Variants in ZNF618 observed in about 807,000 individuals in gnomAD.
ZNF618 encodes zinc finger protein 618, also known as neural precursor cell expressed, developmentally down-regulated 10.
In ZNF618, 34 loss-of-function variants were observed where a neutral mutation model predicts 103.0. That is an observed-to-expected ratio of 0.33 (90% CI 0.25 to 0.44). The LOEUF (loss-of-function observed/expected upper bound fraction) is 0.44, where lower values mean the gene tolerates loss of function less well. Among genes scored for constraint, ZNF618 ranks in the 20% least tolerant of loss-of-function variants. The pLI is 1.00. For synonymous variants in ZNF618, 551 were observed against 542.2 expected (o/e 1.02, Z -0.23); for missense variants, 1,059 against 1,295.4 (o/e 0.82, Z 2.80).
chr9:113,972,390 A>G (rs916319646), intron 2 of ZNF618, among the ~76,000 whole-genome samples: 3 of 152,162 alleles, frequency 2.0e-5, no homozygotes, highest in Non-Finnish European at 4.4e-5. Flanking sequence ...CAACCTCATG[A>G]GAGAGATACT....
intron 4 of ZNF618, 34 bp downstream of exon 4, chr9:113,998,388 G>A: frequency 3.9e-6 from 6 of 1,525,960 alleles, no homozygotes; most frequent in Non-Finnish European, 4.4e-6. Context: ...GCCTGATCCG[G>A]GGCCAGTATG....
At chr9:113,969,760 T>G (rs934144332) in intron 2 of ZNF618, among the ~76,000 whole-genome samples, 6 of 152,142 alleles carry the variant, frequency 3.9e-5, no homozygotes, top group African/African-American at 1.4e-4. Flanking sequence ...GGTAGGTACT[T>G]GGTAATGTTA....
At chr9:113,907,218 T>C (rs1316632823) in intron 1 of ZNF618, among the ~76,000 whole-genome samples, 2 of 152,226 alleles carry the variant, frequency 1.3e-5, no homozygotes, top group Non-Finnish European at 2.9e-5. Context: ...GATAGCCCAT[T>C]GACACCACTT....
chr9:113,951,501 A>ACACATATATGTGTGTGTG (rs1835699419), intron 1 of ZNF618, among the ~76,000 whole-genome samples: 1 of 70,842 alleles, frequency 1.4e-5, no homozygotes, highest in Non-Finnish European at 2.9e-5. Context: ...GTGTATGTGT[A>ACACATATATGTGTGTGTG]CACATATATG....
intron 9 of ZNF618, among the ~76,000 whole-genome samples, chr9:114,011,577 C>G (rs1393009888): frequency 6.6e-6 from 1 of 152,212 alleles, no homozygotes; most frequent in Admixed American, 6.5e-5. Context: ...GCTTCTTCGG[C>G]TCCTGCTACG....
rs1401825833 is a variant in ZNF618 at position 114,035,993 on chromosome 9, A to T, written c.1169-307A>T. ...GAGGGCCGTTGGTCTGTTGATGTTG[A>T]TGTTGTCCTCCCTACCCCCATCTCA... On this transcript the variant is annotated intron_variant, in intron 12 of 14. Coordinates refer to ENST00000374126, the MANE Select transcript of ZNF618 (RefSeq NM_001318042.2). Among the ~76,000 whole-genome samples, 11 of 152,168 alleles carry T rather than the reference A, an allele frequency of 7.2e-5. No homozygotes were observed. In the East Asian group the frequency reaches 2.1e-3, roughly 29 times the overall value.
At chr9:113,883,962 C>T (rs1189219658) in intron 1 of ZNF618, among the ~76,000 whole-genome samples, 3 of 126,014 alleles carry the variant, frequency 2.4e-5, no homozygotes, top group Non-Finnish European at 4.8e-5. Context: ...CTCTGTTTAC[C>T]TCACTTTTCT....
chr9:113,984,033 A>G (rs1439168178), intron 2 of ZNF618, among the ~76,000 whole-genome samples: 1 of 152,210 alleles, frequency 6.6e-6, no homozygotes, highest in Non-Finnish European at 1.5e-5. Context: ...GATGCTGGGT[A>G]TAAGAGGCGC....
At chr9:113,947,230 G>C (rs1835121876) in intron 1 of ZNF618, among the ~76,000 whole-genome samples, 1 of 152,290 alleles carries the variant, frequency 6.6e-6, no homozygotes, top group African/African-American at 2.4e-5. Flanking sequence ...TCGTCCAGGG[G>C]ATTTTGGAAT....
At chr9:113,884,760 G>A (rs1179139651) in intron 1 of ZNF618, among the ~76,000 whole-genome samples, 1 of 141,884 alleles carries the variant, frequency 7.0e-6, no homozygotes, top group African/African-American at 2.6e-5. Flanking sequence ...CTTCCTTATC[G>A]AGACACAAAC....
intron 1 of ZNF618, among the ~76,000 whole-genome samples, chr9:113,945,033 C>G (rs1041347560): frequency 6.6e-6 from 1 of 152,150 alleles, no homozygotes; most frequent in African/African-American, 2.4e-5. Context: ...GTGTCGTGAT[C>G]AGCTCTCCAT....
chr9:114,001,625 G>A (rs700125), intron 4 of ZNF618, among the ~76,000 whole-genome samples: 144,181 of 152,336 alleles, frequency 0.95, 68,249 homozygotes, highest in East Asian at 1. Flanking sequence ...ATTGTAATGC[G>A]TTGAAGTAAT....
intron 6 of ZNF618, among the ~76,000 whole-genome samples, chr9:114,003,786 A>C (rs1841477959): frequency 6.6e-6 from 1 of 152,222 alleles, no homozygotes; most frequent in African/African-American, 2.4e-5. Context: ...CTGTGCACTT[A>C]GGATTTGTAC....
intron 1 of ZNF618, among the ~76,000 whole-genome samples, chr9:113,931,690 C>T (rs1014245100): frequency 6.6e-6 from 1 of 152,166 alleles, no homozygotes; most frequent in Admixed American, 6.5e-5. Flanking sequence ...GTGTAAAATA[C>T]GTACCACATT....
In ZNF618 at chr9:114,028,317, C is replaced by A. The variant is rs559901123; in HGVS notation, c.845-416C>A. Reference sequence around the variant, plus strand: ...CTATCAGGCCCCTCTGCCTCACCCCCAGCCCCGGCATGTCCCTGCCTGTCT... The same window carrying A: ...CTATCAGGCCCCTCTGCCTCACCCCAAGCCCCGGCATGTCCCTGCCTGTCT... On this transcript the variant is annotated intron_variant, in intron 10 of 14. Transcript: ENST00000374126. 7.5e-3 allele frequency: 1,391 copies of A among 185,520 alleles called. 58 individuals are homozygous for A. The highest frequency in any genetic ancestry group is 0.067 in the Admixed American group (1,260 of 18,762). The allele number at this position is 185,520 out of a possible 1,614,324, so 11.5% of individuals were successfully genotyped here. A position where few individuals can be genotyped will look rare whatever the true frequency, so the allele number is the denominator to read the frequency against.
chr9:114,047,604 C>T (rs1473312372), intron 13 of ZNF618, among the ~76,000 whole-genome samples: 1 of 152,124 alleles, frequency 6.6e-6, no homozygotes, highest in Non-Finnish European at 1.5e-5. Flanking sequence ...TTCCCATTTC[C>T]AGAGAGTTTG....
chr9:113,895,475 A>G (rs936000388), intron 1 of ZNF618, among the ~76,000 whole-genome samples: 19 of 152,040 alleles, frequency 1.2e-4, no homozygotes, highest in Admixed American at 1.1e-3. Flanking sequence ...TTTTGTGTCT[A>G]TATCCATTAG....
chr9:113,934,721 G>A (rs1043258569), intron 1 of ZNF618, among the ~76,000 whole-genome samples: 6 of 152,190 alleles, frequency 3.9e-5, no homozygotes, highest in African/African-American at 1.4e-4. Context: ...TAGGCACATC[G>A]TGAAGAAACA....
At chr9:114,045,175 A>G (rs1404491774) in intron 13 of ZNF618, among the ~76,000 whole-genome samples, 4 of 151,820 alleles carry the variant, frequency 2.6e-5, no homozygotes, top group African/African-American at 9.7e-5. Flanking sequence ...TACTTTCTTG[A>G]TGTCCTTCAA....
Sources: allele counts gnomAD v4.1 joint callset (sites outside exome capture counted in the v4.1 genomes callset), GRCh38; gene constraint gnomAD v4.1.1; transcripts MANE v1.5; gene names NCBI Gene and HGNC (gene_info 2026-07-23, HGNC 2026-07-21).